MIGA2: variants seen among roughly 807,000 people sequenced by gnomAD.
MIGA2 encodes family with sequence similarity 73, member B.
Under a neutral mutation model 69.9 loss-of-function variants are expected in MIGA2, and 36 were observed. That is an observed-to-expected ratio of 0.52 (90% confidence interval 0.39 to 0.68). MIGA2 has a LOEUF of 0.68. Ranked by LOEUF, MIGA2 falls within the 30% of genes least tolerant of loss-of-function variation. The pLI, the probability that MIGA2 is intolerant of heterozygous loss-of-function variation, is 0.00. For synonymous variants in MIGA2, 333 were observed against 349.2 expected (o/e 0.95, Z 0.52); for missense variants, 660 against 787.7 (o/e 0.84, Z 1.94).
chr9:129,040,447 C>G lies in MIGA2; in HGVS notation c.-143-5C>G. Reference sequence around the variant, plus strand: ...TCTTATCTGACTTGGTCATCTGTCTCTTAGCTCTGTGGAGGGGCCCTCTGG... The same window carrying G: ...TCTTATCTGACTTGGTCATCTGTCTGTTAGCTCTGTGGAGGGGCCCTCTGG... On this transcript the variant is annotated splice_polypyrimidine_tract_variant and splice_region_variant and intron_variant, in intron 1 of 15. Transcript: ENST00000684074. The G allele has an allele frequency of 1.4e-6, 2 of 1,406,658 alleles. No individual in the cohort carries two copies. The highest frequency in any genetic ancestry group is 1.9e-6 in the Non-Finnish European group (2 of 1,069,750). The allele number at this position is 1,406,658 out of a possible 1,614,324, so 87.1% of individuals were successfully genotyped here. A position where few individuals can be genotyped will look rare whatever the true frequency, so the allele number is the denominator to read the frequency against.
In MIGA2 at chr9:129,070,859, T is replaced by C. The variant is rs1323450757; in HGVS notation, c.*406T>C. ...CTGAGCTAGAAGCCACCTGTGGCTA[T>C]ATGGTCTCAGCATCCAGCTGGCCTG... On this transcript the variant is annotated 3_prime_UTR_variant, in exon 16 of 16. Coordinates refer to ENST00000684074, the MANE Select transcript of MIGA2 (RefSeq NM_001329990.2). 1 of 187,142 alleles carries C rather than the reference T, an allele frequency of 5.3e-6. No homozygotes were observed. Among genetic ancestry groups the C allele is most frequent in the Non-Finnish European group, 1.1e-5 (1 of 90,160 alleles). The allele number at this position is 187,142 out of a possible 1,614,324, so 11.6% of individuals were successfully genotyped here.
In MIGA2 at chr9:129,069,732, A is replaced by G. The variant is rs1490465124; in HGVS notation, c.1459-117A>G. 1 of 775,106 alleles carries G rather than the reference A, an allele frequency of 1.3e-6. No homozygotes were observed. Among genetic ancestry groups the G allele is most frequent in the East Asian group, 2.4e-5 (1 of 40,854 alleles). 48.0% of individuals were successfully genotyped at this position (775,106 alleles called of 1,614,324 possible). ...GAGTCACTGCCCAGGGTCATCTAGC[A>G]GGAAAGTACATGAGCTGGGGCGACC... On this transcript the variant is annotated intron_variant, in intron 14 of 15. Coordinates refer to ENST00000684074, the MANE Select transcript of MIGA2 (RefSeq NM_001329990.2). The surrounding 1 kb of genome is among the most constrained non-coding windows in gnomAD (Gnocchi z 4.9).
rs758015043 is a variant in MIGA2, at chr9:129,042,394, C to T, written c.187C>T (p.His63Tyr). The change falls in exon 3 of 16, where the codon CAC becomes TAC. Residue 63 changes from histidine to tyrosine, a missense_variant. By Grantham distance (83) the His-to-Tyr change is moderately conservative. Around this residue, in one of 3 missense-constraint regions of MIGA2, gnomAD observed 386 missense variants for 402.0 expected, o/e 0.96. Coordinates refer to ENST00000684074, the MANE Select transcript of MIGA2 (RefSeq NM_001329990.2). ...LGTVALALAAHQLKRRRRRKK... is the reference protein window; with the variant it reads ...LGTVALALAAYQLKRRRRRKK... ...GACTGTGGCCCTGGCCCTGGCTGCC[C>T]ACCAGCTGAAGAGGCGACGGAGGAG... is the stretch of plus-strand genomic sequence containing the variant. The T allele has an allele frequency of 1.1e-5, 17 of 1,613,736 alleles. No individual in the cohort carries two copies. Among genetic ancestry groups the T allele is most frequent in the Non-Finnish European group, 1.4e-5 (17 of 1,180,048 alleles).
intron 2 of MIGA2, among the ~76,000 whole-genome samples, chr9:129,041,055 C>G (rs59453569): frequency 0.069 from 10,552 of 152,016 alleles, 748 homozygotes; most frequent in Admixed American, 0.19. Context: ...GGCGGGTAGG[C>G]TGGGCACAGT....
rs1416895079 is a variant in MIGA2, at chr9:129,061,439, A to C, written c.1010+93A>C. 14 of 1,192,348 alleles carry C rather than the reference A, an allele frequency of 1.2e-5. No homozygotes were observed. The East Asian group carries it at 3.6e-4, about 30-fold the overall frequency. 73.9% of individuals were successfully genotyped at this position (1,192,348 alleles called of 1,614,324 possible). On this transcript the variant is annotated intron_variant, in intron 9 of 15. Transcript: ENST00000684074. The surrounding 1 kb of genome is among the most constrained non-coding windows in gnomAD (Gnocchi z 5.0). ...GCGGAGAAGCCAGCGGTGCTTGGCG[A>C]GGACTTAGCCTGAGTGAGTCCAGGC...
intron 1 of MIGA2, 22 bp downstream of exon 1, chr9:129,036,703 GC>G: frequency 6.1e-6 from 1 of 163,682 alleles, no homozygotes. Flanking sequence ...CCCCGGCCGA[GC>G]CCCCAAGGCG....
chr9:129,040,956 C>T (rs775336537), intron 2 of MIGA2, among the ~76,000 whole-genome samples: 36 of 151,880 alleles, frequency 2.4e-4, no homozygotes, highest in Middle Eastern at 3.4e-3. Flanking sequence ...TTTGGGAGGC[C>T]GGGACGGGCG....
Position 129,042,364 on chromosome 9 carries a change from C to G in MIGA2, c.157C>G (p.Leu53Val). Reference protein sequence around the residue: ...GLRKVLFATALGTVALALAAH... With the variant: ...GLRKVLFATAVGTVALALAAH... ...GCGGAAAGTCCTCTTTGCCACGGCC[C>G]TGGGGACTGTGGCCCTGGCCCTGGC... Residue 53 changes from leucine (L) to valine (V), a missense_variant, in exon 3 of 16, where the codon CTG becomes GTG. Around this residue, in one of 3 missense-constraint regions of MIGA2, gnomAD observed 54 missense variants for 84.0 expected, o/e 0.64. Coordinates refer to ENST00000684074, the MANE Select transcript of MIGA2 (RefSeq NM_001329990.2). The G allele has an allele frequency of 6.2e-7, 1 of 1,613,620 alleles. No individual in the cohort carries two copies. Among genetic ancestry groups the G allele is most frequent in the Non-Finnish European group, 8.5e-7 (1 of 1,180,056 alleles).
In MIGA2 at chr9:129,068,274, C is replaced by G; in HGVS notation, c.1346C>G (p.Pro449Arg). 6.2e-7 allele frequency: 1 copy of G among 1,612,946 alleles called. No individual in the cohort carries two copies. The highest frequency in any genetic ancestry group is 8.5e-7 in the Non-Finnish European group (1 of 1,179,946). The part of the protein sequence containing the change: ...MDAFEDLENP[P>R]ASVLAVLRNR... Reference sequence around the variant, plus strand: ...GCCTTCGAGGACCTGGAGAACCCTCCGGCCTCGGTGCTCGCCGTCCTGCGG... The same window carrying G: ...GCCTTCGAGGACCTGGAGAACCCTCGGGCCTCGGTGCTCGCCGTCCTGCGG... The change falls in exon 13 of 16, where the codon CCG becomes CGG. Residue 449 changes from proline to arginine, a missense_variant. Coordinates refer to ENST00000684074, the MANE Select transcript of MIGA2 (RefSeq NM_001329990.2). This position sits in a 1 kb window ranked among gnomAD's most constrained non-coding sequence, Gnocchi z 4.1.
At chr9:129,062,430 G>C (rs987875940) in intron 9 of MIGA2, among the ~76,000 whole-genome samples, 3 of 151,454 alleles carry the variant, frequency 2.0e-5, no homozygotes, top group Non-Finnish European at 4.4e-5. Flanking sequence ...TACTTGGGAG[G>C]CTGAGACAGG....
rs535789865 is a variant in MIGA2, at chr9:129,069,345, C to A, written c.1458+216C>A. The A allele has an allele frequency of 1.8e-5, 11 of 614,410 alleles. No homozygotes were observed. Among genetic ancestry groups the A allele is most frequent in the Non-Finnish European group, 2.9e-5 (10 of 347,880 alleles). 38.1% of individuals were successfully genotyped at this position (614,410 alleles called of 1,614,324 possible). On this transcript the variant is annotated intron_variant, in intron 14 of 15. Transcript: ENST00000684074. This position sits in a 1 kb window ranked among gnomAD's most constrained non-coding sequence, Gnocchi z 4.9. The stretch of plus-strand genomic sequence containing the variant: ...CTCCCCAGGCCCAGCACAGAGCAGG[C>A]CACTGGGGAGGGGAACGGATACCCT...
At position 129,065,117 on chromosome 9, in the gene MIGA2, A is replaced by G. The variant is rs151261310; in HGVS notation, c.1170+1486A>G. On this transcript the variant is annotated intron_variant, in intron 11 of 15. Coordinates refer to ENST00000684074, the MANE Select transcript of MIGA2 (RefSeq NM_001329990.2). ...TTTTTTTTTTTAAACTTTATTATGA[A>G]ATACACATAGGAGAGAGTGTAAAAA... 1.2e-3 allele frequency among the ~76,000 whole-genome samples: 179 copies of G among 151,014 alleles called. 4 individuals are homozygous for G. The East Asian group carries it at 0.02, about 17-fold the overall frequency.
Position 129,049,770 on chromosome 9 carries a change from C to G in MIGA2, c.539-57C>G, listed in dbSNP as rs1043126526. On this transcript the variant is annotated intron_variant, in intron 5 of 15. Coordinates refer to ENST00000684074, the MANE Select transcript of MIGA2 (RefSeq NM_001329990.2). Reference sequence around the variant, plus strand: ...CTGCCTCCTTGATGTTCTGAGCCCCCTCTTGGGTGAGACTGTGGAGGTGCT... The same window carrying G: ...CTGCCTCCTTGATGTTCTGAGCCCCGTCTTGGGTGAGACTGTGGAGGTGCT... 70 of 1,610,068 alleles carry G rather than the reference C, an allele frequency of 4.3e-5. No homozygotes were observed. In the South Asian group the frequency reaches 4.7e-4, roughly 11 times the overall value.
chr9:129,065,348 G>C (rs966883631), intron 11 of MIGA2, among the ~76,000 whole-genome samples: 1 of 151,692 alleles, frequency 6.6e-6, no homozygotes, highest in African/African-American at 2.4e-5. Flanking sequence ...AGTATCTATA[G>C]GATTTTTTTT....
chr9:129,040,093 A>G (rs899730643), intron 1 of MIGA2, among the ~76,000 whole-genome samples: 1 of 152,210 alleles, frequency 6.6e-6, no homozygotes, highest in Non-Finnish European at 1.5e-5. Flanking sequence ...AATGATTCTC[A>G]GTCTGGGGTC....
chr9:129,069,050 C>T lies in MIGA2; in HGVS notation c.1405-26C>T, dbSNP rs989254236. On this transcript the variant is annotated intron_variant, in intron 13 of 15. Transcript: ENST00000684074. This position sits in a 1 kb window ranked among gnomAD's most constrained non-coding sequence, Gnocchi z 4.9. ...TGTGGGCTAGGCCCATTTTGACACC[C>T]GGGGGACATCCTATTTTTGATGTAG... 1.6e-5 allele frequency: 26 copies of T among 1,613,638 alleles called. No individual in the cohort carries two copies. The highest frequency in any genetic ancestry group is 5.3e-5 in the African/African-American group (4 of 74,900).
rs1386329406 is a variant in MIGA2, at chr9:129,060,726, G to A, written c.894+76G>A. ...TCTGCAGGTCCATGGGGCCAGCACT[G>A]GGTCATGGGAAAGTGGAGGCATTTC... On this transcript the variant is annotated intron_variant, in intron 8 of 15. Transcript: ENST00000684074. The surrounding 1 kb of genome is among the most constrained non-coding windows in gnomAD (Gnocchi z 4.8). 1 of 1,239,492 alleles carries A rather than the reference G, an allele frequency of 8.1e-7. No homozygotes were observed. The highest frequency in any genetic ancestry group is 1.1e-6 in the Non-Finnish European group (1 of 884,162). The allele number at this position is 1,239,492 out of a possible 1,614,324, so 76.8% of individuals were successfully genotyped here. A position where few individuals can be genotyped will look rare whatever the true frequency, so the allele number is the denominator to read the frequency against.
In MIGA2 at chr9:129,071,458, GCAGTGTCTTCT is replaced by G. The variant is rs1355465270; in HGVS notation, c.*1016_*1026del. The G allele has an allele frequency of 2.6e-5, 4 of 152,294 alleles. No individual in the cohort carries two copies. Among genetic ancestry groups the G allele is most frequent in the Non-Finnish European group, 5.9e-5 (4 of 68,116 alleles). The allele number at this position is 152,294 out of a possible 1,614,324, so 9.4% of individuals were successfully genotyped here. A position where few individuals can be genotyped will look rare whatever the true frequency, so the allele number is the denominator to read the frequency against. ...CCCGCCGCGGGGTCCTGTCAGCCCG[GCAGTGTCTTCT>G]CAGTGTCTTCACCTGAGCGAGTGTC... is the stretch of plus-strand genomic sequence containing the variant. On this transcript the variant is annotated 3_prime_UTR_variant, in exon 16 of 16. Coordinates refer to ENST00000684074, the MANE Select transcript of MIGA2 (RefSeq NM_001329990.2).
intron 3 of MIGA2, among the ~76,000 whole-genome samples, 169 bp from the exon 4 acceptor site, chr9:129,048,258 G>A (rs1250380471): frequency 3.9e-5 from 6 of 152,200 alleles, no homozygotes; most frequent in South Asian, 2.1e-4. Context: ...GGAGGGCCCC[G>A]CGCTTTTCTC....
Sources: gnomAD v4.1 joint callset for allele counts (sites outside exome capture counted in the v4.1 genomes callset) on GRCh38, gnomAD v4.1.1 for gene constraint, gnomAD v4.1.1 regional missense constraint, Gnocchi (gnomAD v3.1) non-coding constraint, MANE v1.5 for transcripts, NCBI Gene and HGNC (gene_info 2026-07-23, HGNC 2026-07-21) for gene names.